The following PCGF5 variants were observed in gnomAD, a reference collection of about 807,000 sequenced individuals.
PCGF5 encodes the protein polycomb group RING finger protein 5.
A neutral mutation model predicts 44.3 loss-of-function variants in PCGF5; 9 were observed. The ratio of observed to expected loss-of-function variants is 0.20; its 90% confidence interval spans 0.12 to 0.35. The LOEUF is 0.35. PCGF5 is among the 10% of genes least tolerant of loss of function. PCGF5 has a pLI of 1.00. For missense variants in PCGF5, 146 were observed against 305.3 expected (o/e 0.48, Z 3.89); for synonymous variants, 95 against 102.5 (o/e 0.93, Z 0.44).
At chr10:91,188,429 GA>G (rs1162763224) in intron 1 of PCGF5, among the ~76,000 whole-genome samples, 1 of 152,086 alleles carries the variant, frequency 6.6e-6, no homozygotes, top group Non-Finnish European at 1.5e-5. Context: ...CCTAGAAGCA[GA>G]AAATACAATT....
chr10:91,257,383 A>G (rs1269286926), intron 6 of PCGF5, among the ~76,000 whole-genome samples: 1 of 152,106 alleles, frequency 6.6e-6, no homozygotes, highest in East Asian at 1.9e-4. Context: ...CTACTGTGGA[A>G]AACACTTTAG....
chr10:91,172,450 GA>G (rs1281107278), intron 1 of PCGF5, among the ~76,000 whole-genome samples: 5 of 152,084 alleles, frequency 3.3e-5, no homozygotes, highest in Non-Finnish European at 7.4e-5. Flanking sequence ...TAGGGCAGAA[GA>G]AGTAATTAAA....
intron 1 of PCGF5, among the ~76,000 whole-genome samples, chr10:91,186,330 C>T (rs1843922686): frequency 6.6e-6 from 1 of 152,146 alleles, no homozygotes. Context: ...GTTTTCATAG[C>T]TCACTAGTTG....
intron 1 of PCGF5, among the ~76,000 whole-genome samples, chr10:91,166,468 A>G (rs1843502279): frequency 6.6e-6 from 1 of 152,236 alleles, no homozygotes; most frequent in African/African-American, 2.4e-5. Context: ...AGAATTAGAT[A>G]TTGGCAGTAA....
intron 2 of PCGF5, chr10:91,227,667 C>G (rs1844883499): frequency 1.9e-6 from 2 of 1,073,558 alleles, no homozygotes. Context: ...CATTATCACT[C>G]TTAACCCACC....
At position 91,279,284 on chromosome 10, in the gene PCGF5, T is replaced by A. The variant is rs1846391150; in HGVS notation, c.*968T>A. ...TAAATATTAGGATTTTTAGAGCACATAACATTAGCTATTTTATGGATTTCA... is the reference window on the plus strand; with the variant it reads ...TAAATATTAGGATTTTTAGAGCACAAAACATTAGCTATTTTATGGATTTCA... On this transcript the variant is annotated 3_prime_UTR_variant, in exon 10 of 10. Transcript: ENST00000336126. 1 of 152,182 alleles carries A rather than the reference T, an allele frequency of 6.6e-6. No homozygotes were observed. Among genetic ancestry groups the A allele is most frequent in the Non-Finnish European group, 1.5e-5 (1 of 68,006 alleles). The allele number at this position is 152,182 out of a possible 1,614,324, so 9.4% of individuals were successfully genotyped here.
At position 91,282,673 on chromosome 10, in the gene PCGF5, T is replaced by TC. The variant is rs1280435959; in HGVS notation, c.*4358dup. 6.6e-6 allele frequency: 1 copy of TC among 152,610 alleles called. No homozygotes were observed. The highest frequency in any genetic ancestry group is 1.5e-5 in the Non-Finnish European group (1 of 68,020). The allele number at this position is 152,610 out of a possible 1,614,324, so 9.5% of individuals were successfully genotyped here. ...TGGGCTACCTTAAAGGTAAAACTCA[T>TC]CTTATGGAGTCTTTCTGATAGGTCA... On this transcript the variant is annotated 3_prime_UTR_variant, in exon 10 of 10. Transcript: ENST00000336126.
chr10:91,206,491 G>A (rs1844350035), intron 1 of PCGF5, among the ~76,000 whole-genome samples: 1 of 152,174 alleles, frequency 6.6e-6, no homozygotes, highest in Admixed American at 6.6e-5. Flanking sequence ...TATCACCTGG[G>A]ATGAAACTAG....
chr10:91,257,016 A>C (rs1055010129), intron 6 of PCGF5, among the ~76,000 whole-genome samples: 1 of 152,156 alleles, frequency 6.6e-6, no homozygotes, highest in Non-Finnish European at 1.5e-5. Flanking sequence ...AGGACACTTA[A>C]AGTGAAAAAA....
intron 1 of PCGF5, among the ~76,000 whole-genome samples, chr10:91,192,660 C>G (rs1844054287): frequency 6.6e-6 from 1 of 152,116 alleles, no homozygotes; most frequent in Admixed American, 6.5e-5. Flanking sequence ...TGTTTTCTAT[C>G]AGGAAACGAC....
intron 1 of PCGF5, among the ~76,000 whole-genome samples, chr10:91,173,813 A>T (rs1843656064): frequency 6.6e-6 from 1 of 151,986 alleles, no homozygotes; most frequent in Non-Finnish European, 1.5e-5. Context: ...CAGGCTAAGG[A>T]TCTTCAGATT....
Position 91,172,052 on chromosome 10 carries a change from A to G in PCGF5, c.-184+8971A>G, listed in dbSNP as rs557718356. ...TAAAATCCTTTAAACATTTTTAGAT[A>G]TATGTGATTTGCCCAGGATTACAGA... is the stretch of plus-strand genomic sequence containing the variant. On this transcript the variant is annotated intron_variant, in intron 1 of 9. Coordinates refer to the PCGF5 transcript ENST00000614189. Among the ~76,000 whole-genome samples the G allele has an allele frequency of 6.6e-5, 10 of 152,324 alleles. No individual in the cohort carries two copies. The South Asian group carries it at 2.1e-3, about 32-fold the overall frequency.
At chr10:91,253,055 T>C (rs1356391544) in intron 6 of PCGF5, among the ~76,000 whole-genome samples, 1 of 152,034 alleles carries the variant, frequency 6.6e-6, no homozygotes, top group East Asian at 1.9e-4. Flanking sequence ...GTGGCATTCC[T>C]GCTTTGTCTC....
chr10:91,265,848 G>A (rs576673416), intron 8 of PCGF5, among the ~76,000 whole-genome samples: 2 of 152,106 alleles, frequency 1.3e-5, no homozygotes, highest in African/African-American at 2.4e-5. Context: ...GAACGCTTTC[G>A]CTAGCAGCAG....
rs2133481219 is a variant in PCGF5 at position 91,279,830 on chromosome 10, C to A, written c.*1514C>A. 1 of 152,174 alleles carries A rather than the reference C, an allele frequency of 6.6e-6. No individual in the cohort carries two copies. The highest frequency in any genetic ancestry group is 3.4e-3 in the Middle Eastern group (1 of 294). The allele number at this position is 152,174 out of a possible 1,614,324, so 9.4% of individuals were successfully genotyped here. On this transcript the variant is annotated 3_prime_UTR_variant, in exon 10 of 10. Transcript: ENST00000336126. Reference sequence around the variant, plus strand: ...TTTTCCAGTAAAATGTATCAGAAATCAATGCCTTCTGAATTTCAAAATGAT... The same window carrying A: ...TTTTCCAGTAAAATGTATCAGAAATAAATGCCTTCTGAATTTCAAAATGAT...
Position 91,206,132 on chromosome 10 carries a change from A to C in PCGF5, c.-183-16557A>C, listed in dbSNP as rs535982443. ...TCTTTTATTTATAAAATAGTGCCAC[A>C]AATATTTATCGGAGAACTACTATGT... is the stretch of plus-strand genomic sequence containing the variant. On this transcript the variant is annotated intron_variant, in intron 1 of 9. Coordinates refer to the PCGF5 transcript ENST00000614189. Among the ~76,000 whole-genome samples the C allele has an allele frequency of 5.3e-5, 8 of 152,226 alleles. No individual in the cohort carries two copies. In the South Asian group the frequency reaches 1.7e-3, roughly 31 times the overall value.
intron 1 of PCGF5, among the ~76,000 whole-genome samples, chr10:91,176,972 G>A (rs1790683773): frequency 6.6e-6 from 1 of 152,222 alleles, no homozygotes; most frequent in Non-Finnish European, 1.5e-5. Flanking sequence ...TTTGGAGGAG[G>A]AGAGGCGCCC....
chr10:91,233,898 C>T (rs890830791), intron 2 of PCGF5, among the ~76,000 whole-genome samples: 2 of 152,122 alleles, frequency 1.3e-5, no homozygotes, highest in Non-Finnish European at 2.9e-5. Context: ...AGGAAGTCAG[C>T]CTTTGGTCAG....
At chr10:91,172,422 GA>G (rs958343900) in intron 1 of PCGF5, among the ~76,000 whole-genome samples, 156 of 146,456 alleles carry the variant, frequency 1.1e-3, no homozygotes, top group African/African-American at 3.5e-3. Context: ...CCCCTTCAGA[GA>G]AAAAAAAAAT....
Sources: gnomAD v4.1 joint callset for allele counts (sites outside exome capture counted in the v4.1 genomes callset) on GRCh38, gnomAD v4.1.1 for gene constraint, MANE v1.5 for transcripts, NCBI Gene and HGNC (gene_info 2026-07-23, HGNC 2026-07-21) for gene names.